EGFL6: variants seen among roughly 807,000 people sequenced by gnomAD.
EGFL6 encodes epidermal growth factor-like protein 6.
Under a neutral mutation model 43.1 loss-of-function variants are expected in EGFL6, and 42 were observed. That is an observed-to-expected ratio of 0.98 (90% CI 0.76 to 1.26). EGFL6 has a LOEUF of 1.26. Among genes scored for constraint, EGFL6 ranks in the 50% most tolerant of loss-of-function variants. The pLI is 0.00. For missense variants in EGFL6, 429 were observed against 427.8 expected (o/e 1.00, Z -0.02); for synonymous variants, 164 against 163.2 (o/e 1.01, Z -0.04).
At chrX:13,621,018 T>C (rs1168968103) in intron 9 of EGFL6, among the ~76,000 whole-genome samples, 2 of 112,672 alleles carry the variant, frequency 1.8e-5, no homozygotes, top group African/African-American at 6.4e-5. Context: ...TTGTTTGCCT[T>C]GGACAAGTCA....
chrX:13,583,727 CAT>C (rs2045520140), intron 1 of EGFL6, among the ~76,000 whole-genome samples: 1 of 112,019 alleles, frequency 8.9e-6, no homozygotes, highest in Non-Finnish European at 1.9e-5. Flanking sequence ...TTCCTACAAA[CAT>C]AAAAAAGGCA....
At chrX:13,629,240 G>A (rs1385485402) in intron 11 of EGFL6, among the ~76,000 whole-genome samples, 3 of 112,052 alleles carry the variant, frequency 2.7e-5, no homozygotes, top group African/African-American at 9.7e-5. Context: ...TTGCAGCATG[G>A]TTTGGGGACT....
chrX:13,594,857 A>G lies in EGFL6; in HGVS notation c.209A>G (p.Lys70Arg), dbSNP rs1197332627. The G allele has an allele frequency of 8.3e-7, 1 of 1,209,014 alleles. No individual in the cohort carries two copies. The highest frequency in any genetic ancestry group is 2.2e-5 in the Admixed American group (1 of 45,726). The change falls in exon 3 of 12, where the codon AAG (lysine) becomes AGG (arginine). Residue 70 changes from lysine to arginine, a missense_variant. Physicochemically the swap from Lys to Arg is conservative, Grantham distance 26. Coordinates refer to ENST00000361306, the MANE Select transcript of EGFL6 (RefSeq NM_015507.4). ...VCEATCEPGC[K>R]FGECVGPNKC... is the part of the protein sequence containing the mutation. ...ACAGCTACATGCGAACCTGGATGTA[A>G]GTTTGGTGAGTGCGTGGGACCAAAC...
At position 13,569,650 on chromosome X, in the gene EGFL6, A is replaced by C; in HGVS notation, c.-212A>C. The C allele has an allele frequency of 3.5e-6, 1 of 282,552 alleles. No individual in the cohort carries two copies. The highest frequency in any genetic ancestry group is 6.3e-6 in the Non-Finnish European group (1 of 158,785). 23.3% of individuals were successfully genotyped at this position (282,552 alleles called of 1,213,427 possible). On this transcript the variant is annotated 5_prime_UTR_variant, in exon 1 of 12. Transcript: ENST00000361306. Reference sequence around the variant, plus strand: ...CAGAGGAGCCTCGGCCAGGCTTGCCAGGGCGCCCCCAGCCCCTCCCCAGGC... The same window carrying C: ...CAGAGGAGCCTCGGCCAGGCTTGCCCGGGCGCCCCCAGCCCCTCCCCAGGC...
chrX:13,614,830 C>T (rs2045710122), intron 7 of EGFL6, among the ~76,000 whole-genome samples: 1 of 109,814 alleles, frequency 9.1e-6, no homozygotes, highest in Non-Finnish European at 1.9e-5. Flanking sequence ...TCACTGCAAC[C>T]TCTGCTTCCT....
chrX:13,611,583 A>G (rs2045689210), intron 7 of EGFL6, among the ~76,000 whole-genome samples: 1 of 112,282 alleles, frequency 8.9e-6, no homozygotes, highest in Non-Finnish European at 1.9e-5. Context: ...TGAAGGCAAC[A>G]TCTTTAAGCA....
chrX:13,582,061 C>CT (rs72120039), intron 1 of EGFL6, among the ~76,000 whole-genome samples: 251 of 101,040 alleles, frequency 2.5e-3, no homozygotes, highest in South Asian at 8.9e-3. Flanking sequence ...TATTTCTTTT[C>CT]TTTTTTTTTT....
intron 10 of EGFL6, chrX:13,625,128 C>A (rs1336925180): frequency 9.0e-6 from 1 of 111,129 alleles, no homozygotes; most frequent in East Asian, 2.8e-4. Context: ...TAAGTTGAGT[C>A]TTCTGTCCAA....
At chrX:13,586,555 A>G (rs182336632) in intron 1 of EGFL6, among the ~76,000 whole-genome samples, 1 of 111,060 alleles carries the variant, frequency 9.0e-6, no homozygotes, top group Non-Finnish European at 1.9e-5. Flanking sequence ...GCCTTTTCTT[A>G]TTAGGGCACT....
intron 5 of EGFL6, among the ~76,000 whole-genome samples, chrX:13,606,147 A>C (rs1272170539): frequency 1.8e-5 from 2 of 111,926 alleles, no homozygotes; most frequent in Non-Finnish European, 3.8e-5. Flanking sequence ...AAGTAATGAC[A>C]TTATGGAAAG....
intron 3 of EGFL6, among the ~76,000 whole-genome samples, chrX:13,598,346 T>G (rs2045611661): frequency 1.8e-5 from 2 of 111,677 alleles, no homozygotes; most frequent in South Asian, 7.5e-4. Flanking sequence ...AGCAGCTCCT[T>G]ATTTTCAAGA....
At chrX:13,601,387 G>C (rs1333005403) in intron 4 of EGFL6, among the ~76,000 whole-genome samples, 1 of 111,640 alleles carries the variant, frequency 9.0e-6, no homozygotes, top group Non-Finnish European at 1.9e-5. Flanking sequence ...GAGAGGGAAG[G>C]CTTTTCAGGT....
intron 4 of EGFL6, among the ~76,000 whole-genome samples, chrX:13,600,894 A>T (rs1209070728): frequency 9.1e-6 from 1 of 110,189 alleles, no homozygotes; most frequent in Non-Finnish European, 1.9e-5. Context: ...GTGTTGTACA[A>T]CCATCACCCC....
chrX:13,623,377 G>GTTTTTTTTTTT lies in EGFL6; in HGVS notation c.1184-437_1184-427dup, dbSNP rs774112791. On this transcript the variant is annotated intron_variant, in intron 9 of 11. Coordinates refer to ENST00000361306, the MANE Select transcript of EGFL6 (RefSeq NM_015507.4). ...AAAAAGGGTTTTTGTTTTATTTTGG[G>GTTTTTTTTTTT]TTTTTTTTTTTTTTTTTTTTGAGAC... is the stretch of plus-strand genomic sequence containing the variant. Among the ~76,000 whole-genome samples the GTTTTTTTTTTT allele has an allele frequency of 1.5e-3, 60 of 40,355 alleles. 6 individuals carry two copies. Among genetic ancestry groups the GTTTTTTTTTTT allele is most frequent in the African/African-American group, 3.7e-3 (34 of 9,203 alleles). 35.0% of individuals were successfully genotyped at this position (40,355 alleles called of 115,157 possible). A position where few individuals can be genotyped will look rare whatever the true frequency, so the allele number is the denominator to read the frequency against.
intron 5 of EGFL6, 97 bp downstream of exon 5, chrX:13,603,533 G>T: frequency 1.0e-6 from 1 of 986,012 alleles, no homozygotes. Context: ...TTGTTGACTA[G>T]ACATTGGAAA....
At position 13,627,010 on chromosome X, in the gene EGFL6, G is replaced by A. The variant is rs749368791; in HGVS notation, c.1286-1G>A. ...TGTGCATTTTTTCCCTTCTCTTAAAGCTATTGGCTTCTATATGGCAGTTCC... is the reference window on the plus strand; with the variant it reads ...TGTGCATTTTTTCCCTTCTCTTAAAACTATTGGCTTCTATATGGCAGTTCC... On this transcript the variant is annotated splice_acceptor_variant, in intron 10 of 11. Transcript: ENST00000361306. LOFTEE classifies it high-confidence loss of function. 5.8e-6 allele frequency: 7 copies of A among 1,208,542 alleles called. No homozygotes were observed. The South Asian group carries it at 1.1e-4, about 18-fold the overall frequency.
At chrX:13,630,973 C>G (rs1180147415) in intron 11 of EGFL6, among the ~76,000 whole-genome samples, 4 of 112,297 alleles carry the variant, frequency 3.6e-5, no homozygotes, top group Admixed American at 2.8e-4. Flanking sequence ...TTAGAAATGA[C>G]AAAAGGAAAT....
intron 1 of EGFL6, among the ~76,000 whole-genome samples, chrX:13,577,298 TTATATATATATATATATA>T (rs1199851773): frequency 1.2e-4 from 3 of 24,479 alleles, no homozygotes; most frequent in African/African-American, 3.1e-4. Flanking sequence ...TATATGAATT[TTATATATATATATATATA>T]TATATATATA....
intron 7 of EGFL6, among the ~76,000 whole-genome samples, chrX:13,613,354 A>G (rs2045702917): frequency 9.1e-6 from 1 of 110,174 alleles, no homozygotes; most frequent in Non-Finnish European, 1.9e-5. Context: ...TAATATGAGT[A>G]TTAATAGTAT....
Sources: gnomAD v4.1 joint callset for allele counts (sites outside exome capture counted in the v4.1 genomes callset) on GRCh38, gnomAD v4.1.1 for gene constraint, MANE v1.5 for transcripts, NCBI Gene and HGNC (gene_info 2026-07-23, HGNC 2026-07-21) for gene names.